Variants in CENPP observed in about 807,000 individuals in gnomAD.
The protein encoded by CENPP is centromere protein P.
A neutral mutation model predicts 35.6 loss-of-function variants in CENPP; 24 were observed. That is an observed-to-expected ratio of 0.67 (90% CI 0.49 to 0.95). The LOEUF (loss-of-function observed/expected upper bound fraction) is 0.95. Among genes scored for constraint, CENPP ranks in the 40% least tolerant of loss-of-function variants. The pLI is 0.00. For missense variants in CENPP, 332 were observed against 345.3 expected, an observed-to-expected ratio of 0.96 and a Z score of 0.31; for synonymous variants, 120 against 125.5, an observed-to-expected ratio of 0.96 and a Z score of 0.29.
chr9:92,555,214 ATTTTT>A (rs34701393), intron 5 of CENPP, among the ~76,000 whole-genome samples: 15 of 63,438 alleles, frequency 2.4e-4, no homozygotes, highest in Non-Finnish European at 3.2e-4. Context: ...TTTTTTGGAA[ATTTTT>A]TTTTTTTTTT....
chr9:92,381,312 C>G (rs189782028), intron 5 of CENPP, among the ~76,000 whole-genome samples: 1 of 146,504 alleles, frequency 6.8e-6, no homozygotes, highest in Non-Finnish European at 1.5e-5. Context: ...GAGACAGGGT[C>G]TCACTCTGTC....
At position 92,331,337 on chromosome 9, in the gene CENPP, C is replaced by T. The variant is rs112414581; in HGVS notation, c.108-833C>T. Among the ~76,000 whole-genome samples the T allele has an allele frequency of 4.6e-5, 7 of 152,254 alleles. 1 individual carries two copies. The highest frequency in any genetic ancestry group is 1.4e-4 in the African/African-American group (6 of 41,562). On this transcript the variant is annotated intron_variant, in intron 1 of 7. Coordinates refer to ENST00000375587, the MANE Select transcript of CENPP (RefSeq NM_001012267.3). ...CTGGGACTACAGGCGCCTGCCACCA[C>T]GCCTGGCAAATTTTTTGTATATTTA... is the stretch of plus-strand genomic sequence containing the variant.
rs936440436 is a variant in CENPP at position 92,515,265 on chromosome 9, C to A, written c.565-96049C>A. 6 of 1,396,150 alleles carry A rather than the reference C, an allele frequency of 4.3e-6. No homozygotes were observed. The African/African-American group carries it at 4.4e-5, about 10-fold the overall frequency. 86.5% of individuals were successfully genotyped at this position (1,396,150 alleles called of 1,614,324 possible). Reference sequence around the variant, plus strand: ...TTGATGATATTAATAAAAGAAAAAACCATAATGAAAATGAGGTTAGTAAAT... The same window carrying A: ...TTGATGATATTAATAAAAGAAAAAAACATAATGAAAATGAGGTTAGTAAAT... On this transcript the variant is annotated intron_variant, in intron 5 of 7. Transcript: ENST00000375587.
intron 5 of CENPP, among the ~76,000 whole-genome samples, chr9:92,391,471 T>C (rs1054593269): frequency 3.2e-4 from 49 of 151,744 alleles, no homozygotes; most frequent in African/African-American, 1.1e-3. Flanking sequence ...TGGTGGCACA[T>C]GCCTGTAGTC....
chr9:92,387,451 G>GT (rs199589066), intron 5 of CENPP, among the ~76,000 whole-genome samples: 4,664 of 152,072 alleles, frequency 0.031, 112 homozygotes, highest in South Asian at 0.084. Flanking sequence ...CTTGATGCAG[G>GT]TTTTTTCCCT....
At chr9:92,363,710 AG>A (rs1442656541) in intron 4 of CENPP, among the ~76,000 whole-genome samples, 1 of 152,170 alleles carries the variant, frequency 6.6e-6, no homozygotes, top group Non-Finnish European at 1.5e-5. Context: ...CCCAGTTTAT[AG>A]TATGTATGTG....
intron 5 of CENPP, among the ~76,000 whole-genome samples, chr9:92,396,979 C>T (rs1336788556): frequency 6.6e-6 from 1 of 151,574 alleles, no homozygotes; most frequent in African/African-American, 2.4e-5. Flanking sequence ...AGTTTGAGAC[C>T]AACCTGGGCA....
intron 5 of CENPP, among the ~76,000 whole-genome samples, chr9:92,445,860 C>T (rs1016433747): frequency 8.7e-5 from 13 of 148,946 alleles, no homozygotes; most frequent in Non-Finnish European, 1.5e-4. Flanking sequence ...CCAGCCTGGA[C>T]GACAGAGCAA....
intron 5 of CENPP, among the ~76,000 whole-genome samples, chr9:92,519,652 A>G (rs1847939682): frequency 6.6e-6 from 1 of 152,176 alleles, no homozygotes; most frequent in Non-Finnish European, 1.5e-5. Flanking sequence ...CATTAGCTCA[A>G]AATGGATCAA....
Position 92,409,960 on chromosome 9 carries a change from G to A in CENPP, c.564+30101G>A, listed in dbSNP as rs10283718. On this transcript the variant is annotated intron_variant, in intron 5 of 7. Coordinates refer to ENST00000375587, the MANE Select transcript of CENPP (RefSeq NM_001012267.3). ...TTTGTTTGTTTGCTTGTTTTGAGAC[G>A]GAGTCTTGCTCAGTCACCCAGGCTG... is the stretch of plus-strand genomic sequence containing the variant. 7.2e-5 allele frequency among the ~76,000 whole-genome samples: 11 copies of A among 151,934 alleles called. No homozygotes were observed. In the South Asian group the frequency reaches 8.3e-4, roughly 11 times the overall value.
rs1588102585 is a variant in CENPP, at chr9:92,401,918, C to T, written c.564+22059C>T. 2.6e-5 allele frequency among the ~76,000 whole-genome samples: 4 copies of T among 152,282 alleles called. 1 individual carries two copies. In the Middle Eastern group the frequency reaches 0.01, roughly 388 times the overall value. ...TTCCATTTTAGTCTCGGTCTTGACT[C>T]CTGACTCTGCCCTTCACCTTCATTC... On this transcript the variant is annotated intron_variant, in intron 5 of 7. Transcript: ENST00000375587.
intron 5 of CENPP, among the ~76,000 whole-genome samples, chr9:92,564,566 G>C (rs1376964224): frequency 6.6e-6 from 1 of 152,128 alleles, no homozygotes; most frequent in Admixed American, 6.5e-5. Flanking sequence ...TTTTTGGCAT[G>C]AGCAAATGCA....
At chr9:92,572,698 C>T (rs1358107045) in intron 5 of CENPP, among the ~76,000 whole-genome samples, 4 of 152,146 alleles carry the variant, frequency 2.6e-5, no homozygotes, top group Admixed American at 6.5e-5. Context: ...CAACTTGGTT[C>T]CATTCTCCCC....
intron 3 of CENPP, among the ~76,000 whole-genome samples, chr9:92,338,461 G>A (rs72750496): frequency 6.6e-6 from 1 of 152,016 alleles, no homozygotes; most frequent in Non-Finnish European, 1.5e-5. Context: ...ACACATCCTC[G>A]TTTATACTTT....
intron 1 of CENPP, 23 bp downstream of exon 1, chr9:92,326,128 C>G: frequency 6.8e-7 from 1 of 1,463,028 alleles, no homozygotes; most frequent in African/African-American, 1.4e-5. Context: ...CCCAAGTCCC[C>G]CAGGGCCCGC....
At position 92,565,880 on chromosome 9, in the gene CENPP, C is replaced by CA. The variant is rs541748931; in HGVS notation, c.565-45432dup. ...TGATACTTGGCACAGAGACAACCTT[C>CA]AACAATCAGTAAAATAAAAATAATA... On this transcript the variant is annotated intron_variant, in intron 5 of 7. Coordinates refer to ENST00000375587, the MANE Select transcript of CENPP (RefSeq NM_001012267.3). Among the ~76,000 whole-genome samples the CA allele has an allele frequency of 4.2e-4, 64 of 152,112 alleles. No individual in the cohort carries two copies. In the East Asian group the frequency reaches 9.5e-3, roughly 23 times the overall value.
Position 92,619,831 on chromosome 9 carries a change from G to C in CENPP, c.*6682G>C, listed in dbSNP as rs1459913748. ...CAAGCAGTGTGGGACCCCGACTCCA[G>C]ACCCTGAGACGGATGATCTGTCTTC... On this transcript the variant is annotated 3_prime_UTR_variant, in exon 8 of 8. Transcript: ENST00000375587. 2.0e-6 allele frequency: 1 copy of C among 502,066 alleles called. No homozygotes were observed. The highest frequency in any genetic ancestry group is 1.9e-5 in the African/African-American group (1 of 52,090). The allele number at this position is 502,066 out of a possible 1,614,324, so 31.1% of individuals were successfully genotyped here. A position where few individuals can be genotyped will look rare whatever the true frequency, so the allele number is the denominator to read the frequency against.
At position 92,616,265 on chromosome 9, in the gene CENPP, A is replaced by T; in HGVS notation, c.*3116A>T. On this transcript the variant is annotated 3_prime_UTR_variant, in exon 8 of 8. Transcript: ENST00000375587. ...AGAGCACTCGTTCTGTGCACCTGTG[A>T]TCTGTGCGTGTGACAGCTGTCTGTG... is the stretch of plus-strand genomic sequence containing the variant. 1 of 520,994 alleles carries T rather than the reference A, an allele frequency of 1.9e-6. No homozygotes were observed. Among genetic ancestry groups the T allele is most frequent in the Non-Finnish European group, 3.5e-6 (1 of 287,992 alleles). 32.3% of individuals were successfully genotyped at this position (520,994 alleles called of 1,614,324 possible). A position where few individuals can be genotyped will look rare whatever the true frequency, so the allele number is the denominator to read the frequency against.
intron 5 of CENPP, chr9:92,501,005 C>T (rs199713916): frequency 1.9e-5 from 31 of 1,613,886 alleles, no homozygotes; most frequent in African/African-American, 2.7e-5. Context: ...GTAGATAGGA[C>T]GGGACGTGAT....
Sources: gnomAD v4.1 joint callset for allele counts (sites outside exome capture counted in the v4.1 genomes callset) on GRCh38, gnomAD v4.1.1 for gene constraint, MANE v1.5 for transcripts, NCBI Gene and HGNC (gene_info 2026-07-23, HGNC 2026-07-21) for gene names.